GPC5: variants seen among roughly 807,000 people sequenced by gnomAD.
GPC5 encodes glypican 5, also known as glypican-5.
In GPC5, 47 loss-of-function variants were observed where a neutral mutation model predicts 53.9. The observed-to-expected ratio is 0.87, with a 90% CI of 0.69 to 1.11. GPC5 has a LOEUF of 1.11. Ranked by LOEUF, GPC5 falls within the 50% of genes most tolerant of loss-of-function variation. The pLI, the probability that GPC5 is intolerant of heterozygous loss-of-function variation, is 0.00. For synonymous variants in GPC5, 286 were observed against 263.3 expected (o/e 1.09, Z -0.84); for missense variants, 748 against 713.1 (o/e 1.05, Z -0.56).
Position 92,342,574 on chromosome 13 carries a change from G to C in GPC5, c.1561+197585G>C, listed in dbSNP as rs115909802. Among the ~76,000 whole-genome samples the C allele has an allele frequency of 5.3e-3, 802 of 152,184 alleles. 9 individuals are homozygous for C. Among genetic ancestry groups the C allele is most frequent in the African/African-American group, 0.018 (768 of 41,540 alleles). Reference sequence around the variant, plus strand: ...GTCTATGAGTAACAGGTTCTTACCAGATAATGAATCTGTTCATATCTTGGT... The same window carrying C: ...GTCTATGAGTAACAGGTTCTTACCACATAATGAATCTGTTCATATCTTGGT... On this transcript the variant is annotated intron_variant, in intron 7 of 7. Transcript: ENST00000377067.
At chr13:92,644,961 T>C (rs1267535751) in intron 7 of GPC5, among the ~76,000 whole-genome samples, 2 of 152,160 alleles carry the variant, frequency 1.3e-5, no homozygotes, top group Non-Finnish European at 2.9e-5. Flanking sequence ...GACTCAGTCA[T>C]AGGCTCTCAA....
At chr13:91,800,459 T>C (rs886314299) in intron 5 of GPC5, among the ~76,000 whole-genome samples, 1 of 129,370 alleles carries the variant, frequency 7.7e-6, no homozygotes, top group African/African-American at 3.5e-5. Flanking sequence ...TGATACATAC[T>C]AAGACCCAGA....
chr13:92,109,957 T>A (rs1356220753), intron 6 of GPC5, among the ~76,000 whole-genome samples: 2 of 152,062 alleles, frequency 1.3e-5, no homozygotes, highest in African/African-American at 4.8e-5. Flanking sequence ...CAGTGGCAGA[T>A]GCAGAATAAG....
chr13:92,542,426 T>C (rs1444957877), intron 7 of GPC5, among the ~76,000 whole-genome samples: 2 of 152,034 alleles, frequency 1.3e-5, no homozygotes, highest in East Asian at 3.9e-4. Flanking sequence ...TACATATGAG[T>C]GATAACATGT....
intron 2 of GPC5, among the ~76,000 whole-genome samples, chr13:91,461,099 A>G (rs1164853192): frequency 1.3e-5 from 2 of 152,170 alleles, no homozygotes; most frequent in Admixed American, 6.6e-5. Flanking sequence ...ATTGTTGGAT[A>G]GCTGTGCTGA....
chr13:92,637,997 C>A lies in GPC5; in HGVS notation c.1562-228285C>A, dbSNP rs568162403. Among the ~76,000 whole-genome samples the A allele has an allele frequency of 3.6e-4, 54 of 152,052 alleles. 1 individual carries two copies. Among genetic ancestry groups the A allele is most frequent in the African/African-American group, 1.2e-3 (51 of 41,458 alleles). Reference sequence around the variant, plus strand: ...AGAGATGAAATCAAAAGCAGATTATCAATTGTAGTAAAAAAACAGTGAATG... The same window carrying A: ...AGAGATGAAATCAAAAGCAGATTATAAATTGTAGTAAAAAAACAGTGAATG... On this transcript the variant is annotated intron_variant, in intron 7 of 7. Coordinates refer to ENST00000377067, the MANE Select transcript of GPC5 (RefSeq NM_004466.6).
At position 92,696,519 on chromosome 13, in the gene GPC5, C is replaced by T. The variant is rs145840740; in HGVS notation, c.1562-169763C>T. Among the ~76,000 whole-genome samples, 3 of 152,236 alleles carry T rather than the reference C, an allele frequency of 2.0e-5. No individual in the cohort carries two copies. The East Asian group carries it at 5.8e-4, about 29-fold the overall frequency. On this transcript the variant is annotated intron_variant, in intron 7 of 7. Coordinates refer to ENST00000377067, the MANE Select transcript of GPC5 (RefSeq NM_004466.6). ...TCTTTTGAGAAGCATCTGTTCATAG[C>T]CTTCGCCCACTTTTTGATGGGGTTG...
At chr13:92,169,251 T>C (rs2042052838) in intron 7 of GPC5, among the ~76,000 whole-genome samples, 1 of 152,168 alleles carries the variant, frequency 6.6e-6, no homozygotes, top group Non-Finnish European at 1.5e-5. Flanking sequence ...ACGTAGGTGA[T>C]GGGTTGATAG....
At chr13:91,482,236 C>G (rs571660662) in intron 2 of GPC5, among the ~76,000 whole-genome samples, 5 of 152,278 alleles carry the variant, frequency 3.3e-5, no homozygotes, top group African/African-American at 4.8e-5. Flanking sequence ...TTTGCTCTCT[C>G]TCTCTCACTC....
At chr13:91,881,156 G>A (rs534071509) in intron 5 of GPC5, among the ~76,000 whole-genome samples, 1 of 152,086 alleles carries the variant, frequency 6.6e-6, no homozygotes, top group South Asian at 2.1e-4. Flanking sequence ...ACAGAAAAAT[G>A]CATTTATTAA....
intron 6 of GPC5, among the ~76,000 whole-genome samples, chr13:92,123,603 T>C (rs914233333): frequency 6.6e-6 from 1 of 152,182 alleles, no homozygotes. Context: ...GAATATGTAA[T>C]GCACTGACCT....
intron 5 of GPC5, among the ~76,000 whole-genome samples, chr13:91,879,650 C>A (rs1365526502): frequency 6.6e-6 from 1 of 152,198 alleles, no homozygotes; most frequent in Non-Finnish European, 1.5e-5. Flanking sequence ...GACCTAATTA[C>A]TTCCCAAAAG....
intron 2 of GPC5, among the ~76,000 whole-genome samples, chr13:91,491,673 C>T (rs1282319674): frequency 1.3e-5 from 2 of 152,100 alleles, no homozygotes; most frequent in African/African-American, 4.8e-5. Flanking sequence ...GGGGACATTC[C>T]ACTCCTTGCC....
At chr13:91,951,224 A>G (rs938035821) in intron 6 of GPC5, among the ~76,000 whole-genome samples, 3 of 152,226 alleles carry the variant, frequency 2.0e-5, no homozygotes, top group African/African-American at 7.2e-5. Flanking sequence ...TATCTAAAAG[A>G]TCATTTTATT....
At chr13:92,264,987 G>A (rs1306620260) in intron 7 of GPC5, among the ~76,000 whole-genome samples, 1 of 149,998 alleles carries the variant, frequency 6.7e-6, no homozygotes, top group Non-Finnish European at 1.5e-5. Flanking sequence ...GAGATTTGAG[G>A]CAGTTTAGGG....
intron 7 of GPC5, among the ~76,000 whole-genome samples, chr13:92,588,847 C>G (rs1306763969): frequency 1.3e-5 from 2 of 152,118 alleles, no homozygotes; most frequent in African/African-American, 4.8e-5. Flanking sequence ...AATAAAAATA[C>G]TGCTTTGATC....
intron 5 of GPC5, among the ~76,000 whole-genome samples, chr13:91,780,557 C>T (rs2037782607): frequency 6.6e-6 from 1 of 152,020 alleles, no homozygotes; most frequent in African/African-American, 2.4e-5. Flanking sequence ...GTTTCAGAAA[C>T]AATTATCTGT....
chr13:91,546,888 A>G (rs2030325093), intron 2 of GPC5, among the ~76,000 whole-genome samples: 1 of 152,110 alleles, frequency 6.6e-6, no homozygotes, highest in African/African-American at 2.4e-5. Flanking sequence ...AGGTAGACCA[A>G]TTTTCAGACT....
intron 7 of GPC5, among the ~76,000 whole-genome samples, chr13:92,664,248 G>A (rs1886494386): frequency 6.6e-6 from 1 of 151,616 alleles, no homozygotes; most frequent in Non-Finnish European, 1.5e-5. Context: ...TGAGAAGAGA[G>A]ATAATGTGAG....
Sources: allele counts gnomAD v4.1 joint callset (sites outside exome capture counted in the v4.1 genomes callset), GRCh38; gene constraint gnomAD v4.1.1; transcripts MANE v1.5; gene names NCBI Gene and HGNC (gene_info 2026-07-23, HGNC 2026-07-21).